The following GBP1 variants were observed in gnomAD, a reference collection of about 807,000 sequenced individuals.
GBP1 encodes guanylate binding protein 1.
A neutral mutation model predicts 69.5 loss-of-function variants in GBP1; 64 were observed. That is an observed-to-expected ratio of 0.92 (90% CI 0.75 to 1.13). The LOEUF (loss-of-function observed/expected upper bound fraction) is 1.13. GBP1 is among the 50% of genes most tolerant of loss of function. The pLI, the probability that GBP1 is intolerant of heterozygous loss-of-function variation, is 0.00. For missense variants in GBP1, 630 were observed against 704.1 expected, an observed-to-expected ratio of 0.89 and a Z score of 1.19; for synonymous variants, 250 against 261.2, an observed-to-expected ratio of 0.96 and a Z score of 0.41.
intron 1 of GBP1, among the ~76,000 whole-genome samples, chr1:89,063,627 T>C (rs1193359530): frequency 6.6e-6 from 1 of 152,234 alleles, no homozygotes; most frequent in Non-Finnish European, 1.5e-5. Flanking sequence ...GATTCACTTA[T>C]TAATTCTCAC....
chr1:89,057,883 C>T (rs1680083817), intron 6 of GBP1, 109 bp downstream of exon 6: 1 of 1,196,604 alleles, frequency 8.4e-7, no homozygotes, highest in South Asian at 1.6e-5. Flanking sequence ...TAGAATTTAA[C>T]ACAAATATAG....
chr1:89,057,269 A>AAAT, intron 6 of GBP1, 135 bp from the exon 7 acceptor site: 1 of 1,250,976 alleles, frequency 8.0e-7, no homozygotes, highest in Admixed American at 2.4e-5. Context: ...AGCTTGCTGG[A>AAAT]AATAGACTCT....
At position 89,057,032 on chromosome 1, in the gene GBP1, G is replaced by T. The variant is rs757001279; in HGVS notation, c.977C>A (p.Ala326Asp). The T allele has an allele frequency of 1.2e-6, 2 of 1,614,238 alleles. No homozygotes were observed. Among genetic ancestry groups the T allele is most frequent in the East Asian group, 4.5e-5 (2 of 44,890 alleles). Residue 326 changes from alanine (A) to aspartate (D), a missense_variant, in exon 7 of 11, where the codon GCT becomes GAT. Coordinates refer to ENST00000370473, the MANE Select transcript of GBP1 (RefSeq NM_002053.3). ...GTGGGCAATAGCCTTTTGCACTGCA[G>T]CTGAGTTCTCTATCTGGGCCAAGGC... is the stretch of plus-strand genomic sequence containing the variant. ...VLALAQIENS[A>D]AVQKAIAHYE...
At chr1:89,062,987 A>C (rs965820702) in intron 2 of GBP1, 58 bp downstream of exon 2, 1 of 1,591,052 alleles carries the variant, frequency 6.3e-7, no homozygotes, top group African/African-American at 1.3e-5. Flanking sequence ...TTCATAATGG[A>C]GGCTGACTGT....
intron 3 of GBP1, 42 bp downstream of exon 3, chr1:89,060,155 G>T (rs777015818): frequency 6.5e-5 from 100 of 1,544,948 alleles, no homozygotes; most frequent in Non-Finnish European, 8.1e-5. Context: ...AAAATATTCA[G>T]AGAGGAGGGG....
chr1:89,053,241 C>T lies in GBP1; in HGVS notation c.*114G>A, dbSNP rs570918580. 4.0e-5 allele frequency: 25 copies of T among 627,390 alleles called. No individual in the cohort carries two copies. In the South Asian group the frequency reaches 5.9e-4, roughly 15 times the overall value. The allele number at this position is 627,390 out of a possible 1,614,324, so 38.9% of individuals were successfully genotyped here. A position where few individuals can be genotyped will look rare whatever the true frequency, so the allele number is the denominator to read the frequency against. On this transcript the variant is annotated 3_prime_UTR_variant, in exon 11 of 11. Transcript: ENST00000370473. ...TCATTGTACCACATGCCTTTATAAA[C>T]TTTTGGTGTTATGATGCAAGATCTA...
At chr1:89,060,086 G>C (rs568464169) in intron 3 of GBP1, 111 bp downstream of exon 3, 2 of 1,045,528 alleles carry the variant, frequency 1.9e-6, no homozygotes, top group East Asian at 2.7e-5. Flanking sequence ...ATGCATCTGT[G>C]TTAACCCACA....
rs747146923 is a variant in GBP1 at position 89,057,146 on chromosome 1, G to A, written c.875-12C>T. 4.3e-6 allele frequency: 7 copies of A among 1,613,240 alleles called. No homozygotes were observed. The highest frequency in any genetic ancestry group is 3.3e-5 in the Admixed American group (2 of 60,000). On this transcript the variant is annotated splice_polypyrimidine_tract_variant and intron_variant, in intron 6 of 10. Coordinates refer to ENST00000370473, the MANE Select transcript of GBP1 (RefSeq NM_002053.3). ...CAGGCTCTCTAGACCTGCATATGAA[G>A]AACAAATGATAATGTTTCTGGTGGT...
Position 89,058,222 on chromosome 1 carries a change from T to C in GBP1, c.644A>G (p.Lys215Arg). Reference protein sequence around the residue: ...SLKLKKGTSQKDETFNLPRLC... With the variant: ...SLKLKKGTSQRDETFNLPRLC... Reference sequence around the variant, plus strand: ...TCTGGGCAGGTTAAAAGTTTCATCTTTTTGACTGGTACCTAGAAAAACATT... The same window carrying C: ...TCTGGGCAGGTTAAAAGTTTCATCTCTTTGACTGGTACCTAGAAAAACATT... Residue 215 changes from lysine (K) to arginine (R), a missense_variant, in exon 6 of 11, where the codon AAA (lysine) becomes AGA (arginine). Coordinates refer to ENST00000370473, the MANE Select transcript of GBP1 (RefSeq NM_002053.3). The C allele has an allele frequency of 6.3e-7, 1 of 1,591,400 alleles. No individual in the cohort carries two copies.
Position 89,060,259 on chromosome 1 carries a change from G to C in GBP1, c.256C>G (p.Pro86Ala). The C allele has an allele frequency of 6.2e-7, 1 of 1,602,336 alleles. No homozygotes were observed. Among genetic ancestry groups the C allele is most frequent in the Non-Finnish European group, 8.5e-7 (1 of 1,175,086 alleles). Residue 86 changes from proline to alanine, a missense_variant, in exon 3 of 11, where the codon CCC (proline) becomes GCC (alanine). Physicochemically the swap from Pro to Ala is conservative, Grantham distance 27. Coordinates refer to ENST00000370473, the MANE Select transcript of GBP1 (RefSeq NM_002053.3). The stretch of plus-strand genomic sequence containing the variant: ...ACTAGGATGTGGCCTGGCTTCTTGG[G>C]GTGGGGCACACACCACATCCAGATT... ...KGIWMWCVPH[P>A]KKPGHILVLL... is the part of the protein sequence containing the mutation.
At chr1:89,056,321 CAAT>C in intron 7 of GBP1, 93 bp from the exon 8 acceptor site, 1 of 1,596,272 alleles carries the variant, frequency 6.3e-7, no homozygotes, top group Non-Finnish European at 8.5e-7. Context: ...AAATAGAAGT[CAAT>C]GATGCTGGAG....
Position 89,053,572 on chromosome 1 carries a change from G to T in GBP1, c.1666-104C>A, listed in dbSNP as rs1283262895. ...TGATTTGTTATTTAATTTTCTCTGA[G>T]TCACGCAAGACGTAAATGTCATACT... On this transcript the variant is annotated intron_variant, in intron 10 of 10. Coordinates refer to ENST00000370473, the MANE Select transcript of GBP1 (RefSeq NM_002053.3). 5 of 1,495,052 alleles carry T rather than the reference G, an allele frequency of 3.3e-6. No homozygotes were observed. The East Asian group carries it at 1.2e-4, about 34-fold the overall frequency. The allele number at this position is 1,495,052 out of a possible 1,614,324, so 92.6% of individuals were successfully genotyped here.
chr1:89,057,564 T>G (rs2101224931), intron 6 of GBP1, among the ~76,000 whole-genome samples: 1 of 152,380 alleles, frequency 6.6e-6, no homozygotes. Flanking sequence ...TTTATTTTAT[T>G]GCAGTATTGT....
In GBP1 at chr1:89,063,241, G is replaced by A. The variant is rs763422698; in HGVS notation, c.-7C>T. 2 of 1,613,310 alleles carry A rather than the reference G, an allele frequency of 1.2e-6. No individual in the cohort carries two copies. The highest frequency in any genetic ancestry group is 1.7e-6 in the Non-Finnish European group (2 of 1,179,408). ...TGTGGATCTCTGATGCCATGTCCAG[G>A]CTGTTCCCTTGTCTGCAAGAGAAGA... On this transcript the variant is annotated 5_prime_UTR_variant, in exon 2 of 11. Transcript: ENST00000370473.
chr1:89,059,544 T>TC (rs1268536778), intron 3 of GBP1, 118 bp from the exon 4 acceptor site: 1 of 1,053,218 alleles, frequency 9.5e-7, no homozygotes, highest in Non-Finnish European at 1.3e-6. Context: ...TTCTTTTTTT[T>TC]TTTTTTTTTT....
rs768449098 is a variant in GBP1, at chr1:89,063,208, G to C, written c.27C>G (p.Gly9=). The C allele has an allele frequency of 4.3e-6, 7 of 1,614,034 alleles. 1 individual carries two copies. In the South Asian group the frequency reaches 7.7e-5, roughly 18 times the overall value. ...TAGTGTTCTCAATGAGGCACATTGG[G>C]CCTGTCATGTGGATCTCTGATGCCA... MASEIHMT[G]PMCLIENTNG... is the part of the protein sequence containing the mutation. Residue 9 remains glycine (G), a synonymous_variant, in exon 2 of 11, where the codon GGC becomes GGG. Coordinates refer to ENST00000370473, the MANE Select transcript of GBP1 (RefSeq NM_002053.3).
chr1:89,057,000 G>A lies in GBP1; in HGVS notation c.1009C>T (p.Gln337Ter). ...AGCTGCACCTTCTGGCCCATCTGCT[G>A]TTCATAGTGGGCAATAGCCTTTTGC... ...AVQKAIAHYE[Q>*]QMGQKVQLPT... Residue 337 changes from glutamine (Q) to a stop codon, truncating the protein, a stop_gained, in exon 7 of 11, where the codon CAG becomes TAG. Coordinates refer to ENST00000370473, the MANE Select transcript of GBP1 (RefSeq NM_002053.3). LOFTEE classifies it high-confidence loss of function. 1.2e-6 allele frequency: 2 copies of A among 1,614,212 alleles called. No individual in the cohort carries two copies. The highest frequency in any genetic ancestry group is 1.7e-6 in the Non-Finnish European group (2 of 1,180,038).
chr1:89,059,650 C>A (rs1680135052), intron 3 of GBP1, among the ~76,000 whole-genome samples: 1 of 150,256 alleles, frequency 6.7e-6, no homozygotes, highest in Non-Finnish European at 1.5e-5. Flanking sequence ...TTTGGGTTAC[C>A]ATGATTCTTA....
chr1:89,058,697 A>T (rs1335646514), intron 5 of GBP1, 144 bp downstream of exon 5: 1 of 753,314 alleles, frequency 1.3e-6, no homozygotes, highest in Middle Eastern at 3.2e-4. Flanking sequence ...ATTAATTTGG[A>T]TATTCAGCAA....
Sources: gnomAD v4.1 joint callset for allele counts (sites outside exome capture counted in the v4.1 genomes callset) on GRCh38, gnomAD v4.1.1 for gene constraint, MANE v1.5 for transcripts, NCBI Gene and HGNC (gene_info 2026-07-23, HGNC 2026-07-21) for gene names.